YJEFN3: variants seen among roughly 807,000 people sequenced by gnomAD.
YJEFN3 encodes yjeF N-terminal domain-containing protein 3.
In YJEFN3, 29 loss-of-function variants were observed where a neutral mutation model predicts 31.5. The ratio of observed to expected loss-of-function variants is 0.92; its 90% CI spans 0.69 to 1.26. The LOEUF (loss-of-function observed/expected upper bound fraction) is 1.26. Ranked by LOEUF, YJEFN3 falls within the 50% of genes most tolerant of loss-of-function variation. YJEFN3 has a pLI of 0.00. For synonymous variants in YJEFN3, 227 were observed against 196.1 expected (o/e 1.16, Z -1.32); for missense variants, 442 against 425.4 (o/e 1.04, Z -0.34).
chr19:19,531,862 C>T (rs1342861266), intron 2 of YJEFN3, among the ~76,000 whole-genome samples: 1 of 151,234 alleles, frequency 6.6e-6, no homozygotes, highest in East Asian at 2.0e-4. Flanking sequence ...CCTTAGCCTC[C>T]TGAGTAGCTC....
intron 2 of YJEFN3, among the ~76,000 whole-genome samples, chr19:19,530,169 C>A (rs1449190018): frequency 6.6e-6 from 1 of 152,148 alleles, no homozygotes; most frequent in Non-Finnish European, 1.5e-5. Context: ...TGGCGAGTGT[C>A]AGGCCCAGTT....
chr19:19,532,938 T>C (rs562573643), intron 3 of YJEFN3, among the ~76,000 whole-genome samples, 198 bp downstream of exon 3: 178 of 152,214 alleles, frequency 1.2e-3, no homozygotes, highest in African/African-American at 4.1e-3. Context: ...ACCCCTGGTA[T>C]CAGAGAAGGC....
intron 4 of YJEFN3, 87 bp downstream of exon 4, chr19:19,535,231 T>G (rs988456024): frequency 2.3e-4 from 344 of 1,506,322 alleles, no homozygotes; most frequent in Non-Finnish European, 2.9e-4. Flanking sequence ...CAGGGGGACA[T>G]TGACGCAGGG....
At chr19:19,535,481 T>C in intron 5 of YJEFN3, 31 bp downstream of exon 5, 1 of 1,613,490 alleles carries the variant, frequency 6.2e-7, no homozygotes, top group Non-Finnish European at 8.5e-7. Flanking sequence ...AAGGGGGACA[T>C]GGTGTGCAGT....
Position 19,531,718 on chromosome 19 carries a change from C to CTTTTTT in YJEFN3, c.210-889_210-884dup, listed in dbSNP as rs56747140. ...GCCACATTTTCTGGCAACAAATAACCTTTTTTTTTTTTTTTTTTTTTTTTT... is the reference window on the plus strand; with the variant it reads ...GCCACATTTTCTGGCAACAAATAACCTTTTTTTTTTTTTTTTTTTTTTTTTTTTTTT... On this transcript the variant is annotated intron_variant, in intron 2 of 6. Coordinates refer to ENST00000514277, the MANE Select transcript of YJEFN3 (RefSeq NM_198537.4). Among the ~76,000 whole-genome samples the CTTTTTT allele has an allele frequency of 4.7e-4, 36 of 75,864 alleles. 3 individuals are homozygous for CTTTTTT. The highest frequency in any genetic ancestry group is 2.4e-3 in the African/African-American group (32 of 13,252). 49.8% of individuals were successfully genotyped at this position (75,864 alleles called of 152,430 possible).
rs1460833855 is a variant in YJEFN3, at chr19:19,537,486, C to T, written c.862C>T (p.Pro288Ser). The change falls in exon 7 of 7, where the codon CCG becomes TCG. Residue 288 changes from proline to serine, a missense_variant. Coordinates refer to ENST00000514277, the MANE Select transcript of YJEFN3 (RefSeq NM_198537.4). Reference sequence around the variant, plus strand: ...GCGCCGCAAGTTCGCTCTGCGCCTGCCGGGATACACGGGCACCGACTGCGT... The same window carrying T: ...GCGCCGCAAGTTCGCTCTGCGCCTGTCGGGATACACGGGCACCGACTGCGT... ...DVRRKFALRLPGYTGTDCVAA... is the reference protein window; with the variant it reads ...DVRRKFALRLSGYTGTDCVAA... 1.3e-6 allele frequency: 2 copies of T among 1,580,366 alleles called. No homozygotes were observed. Among genetic ancestry groups the T allele is most frequent in the Admixed American group, 3.4e-5 (2 of 58,654 alleles).
At position 19,528,958 on chromosome 19, in the gene YJEFN3, C is replaced by G; in HGVS notation, c.26C>G (p.Pro9Arg). MSSAAGPD[P>R]SEAPEERHFL... The stretch of plus-strand genomic sequence containing the variant: ...ATGAGCAGCGCAGCCGGCCCAGACC[C>G]GTCGGAGGCGCCCGAAGAGCGGCAT... The change falls in exon 1 of 7, where the codon CCG (proline) becomes CGG (arginine). Residue 9 changes from proline to arginine, a missense_variant. Transcript: ENST00000514277. 1.3e-6 allele frequency: 2 copies of G among 1,549,930 alleles called. No individual in the cohort carries two copies. Among genetic ancestry groups the G allele is most frequent in the South Asian group, 1.2e-5 (1 of 83,982 alleles).
intron 6 of YJEFN3, 38 bp from the exon 7 acceptor site, chr19:19,537,281 C>T (rs779900030): frequency 2.6e-6 from 4 of 1,523,240 alleles, no homozygotes; most frequent in South Asian, 2.4e-5. Flanking sequence ...GCAGGCCACC[C>T]TCCCAGTTCC....
rs765733359 is a variant in YJEFN3, at chr19:19,532,637, C to T, written c.215C>T (p.Ala72Val). ...CCATCCCACTCTGTCCCCAGCACCG[C>T]GGAGGCAGCCGCCCTGGAGCGGGAG... ...WNAGPVCQST[A>V]EAAALERELL... The change falls in exon 3 of 7, where the codon GCG becomes GTG. Residue 72 changes from alanine to valine, a missense_variant. By Grantham distance (64) the Ala-to-Val change is moderately conservative. Coordinates refer to ENST00000514277, the MANE Select transcript of YJEFN3 (RefSeq NM_198537.4). 4 of 1,551,432 alleles carry T rather than the reference C, an allele frequency of 2.6e-6. No individual in the cohort carries two copies. In the Admixed American group the frequency reaches 7.6e-5, roughly 29 times the overall value.
In YJEFN3 at chr19:19,532,737, C is replaced by G; in HGVS notation, c.315C>G (p.Thr105=). The G allele has an allele frequency of 6.4e-7, 1 of 1,564,190 alleles. No homozygotes were observed. The change falls in exon 3 of 7, where the codon ACC becomes ACG. Residue 105 remains threonine (T), a synonymous_variant. Transcript: ENST00000514277. Reference sequence around the variant, plus strand: ...GTCATGCTAGTGCCGTGGCTGTGACCAAGGTACCTGACCCCTGACCCCCAA... The same window carrying G: ...GTCATGCTAGTGCCGTGGCTGTGACGAAGGTACCTGACCCCTGACCCCCAA... The part of the protein sequence containing the change: ...LCGHASAVAV[T]KAFPLPALSR...
chr19:19,533,850 A>T (rs1226819498), intron 3 of YJEFN3: 1 of 985,344 alleles, frequency 1.0e-6, no homozygotes, highest in Non-Finnish European at 1.2e-6. Flanking sequence ...TTGCACTGAA[A>T]GCCCCTTGTC....
Position 19,532,124 on chromosome 19 carries a change from G to A in YJEFN3, c.210-508G>A, listed in dbSNP as rs768298255. Among the ~76,000 whole-genome samples, 48 of 152,114 alleles carry A rather than the reference G, an allele frequency of 3.2e-4. 1 individual carries two copies. The highest frequency in any genetic ancestry group is 5.0e-4 in the Non-Finnish European group (34 of 68,016). On this transcript the variant is annotated intron_variant, in intron 2 of 6. Transcript: ENST00000514277. ...TAGCCCCAGGCCCCAAGGCCTCCCCGCTGAGTGTGCCATCAAACACTGCAG... is the reference window on the plus strand; with the variant it reads ...TAGCCCCAGGCCCCAAGGCCTCCCCACTGAGTGTGCCATCAAACACTGCAG...
intron 2 of YJEFN3, among the ~76,000 whole-genome samples, chr19:19,532,236 G>A (rs2061163349): frequency 6.6e-6 from 1 of 152,206 alleles, no homozygotes; most frequent in African/African-American, 2.4e-5. Context: ...CCCACTGCCT[G>A]AAATCAGCCC....
rs778739978 is a variant in YJEFN3 at position 19,529,346 on chromosome 19, ACTCTCCAT to A, written c.60-11_60-4del. The A allele has an allele frequency of 1.1e-5, 17 of 1,586,800 alleles. 1 individual carries two copies. In the African/African-American group the frequency reaches 2.3e-4, roughly 22 times the overall value. On this transcript the variant is annotated splice_polypyrimidine_tract_variant and intron_variant, in intron 1 of 6. Coordinates refer to ENST00000514277, the MANE Select transcript of YJEFN3 (RefSeq NM_198537.4). Reference sequence around the variant, plus strand: ...CGAACCCCAACCGTGGCCCACCCCCACTCTCCATCTCTCCCAGGGCCTTGGAGCTGCAG... The same window carrying A: ...CGAACCCCAACCGTGGCCCACCCCCACTCTCCCAGGGCCTTGGAGCTGCAG...
At position 19,537,459 on chromosome 19, in the gene YJEFN3, G is replaced by A. The variant is rs1336877756; in HGVS notation, c.835G>A (p.Val279Met). The A allele has an allele frequency of 6.3e-7, 1 of 1,587,276 alleles. No individual in the cohort carries two copies. The highest frequency in any genetic ancestry group is 1.7e-5 in the Admixed American group (1 of 58,624). The part of the protein sequence containing the change: ...FVAGRFVPDD[V>M]RRKFALRLPG... ...GGCCGGCAGGTTCGTGCCCGATGACGTGCGCCGCAAGTTCGCTCTGCGCCT... is the reference window on the plus strand; with the variant it reads ...GGCCGGCAGGTTCGTGCCCGATGACATGCGCCGCAAGTTCGCTCTGCGCCT... Residue 279 changes from valine to methionine, a missense_variant, in exon 7 of 7, where the codon GTG becomes ATG. Transcript: ENST00000514277.
intron 6 of YJEFN3, among the ~76,000 whole-genome samples, chr19:19,536,835 T>G (rs1173840709): frequency 6.6e-6 from 1 of 151,992 alleles, no homozygotes; most frequent in East Asian, 1.9e-4. Flanking sequence ...CCAGGCATGG[T>G]GGCGTGTGCC....
chr19:19,529,084 G>C (rs1379724159), intron 1 of YJEFN3, 93 bp downstream of exon 1: 2 of 1,517,704 alleles, frequency 1.3e-6, no homozygotes, highest in East Asian at 2.5e-5. Context: ...AGCTGGGACA[G>C]AATGGGGTCC....
At position 19,535,372 on chromosome 19, in the gene YJEFN3, G is replaced by C; in HGVS notation, c.465G>C (p.Ser155=). 1 of 1,613,862 alleles carries C rather than the reference G, an allele frequency of 6.2e-7. No homozygotes were observed. Among genetic ancestry groups the C allele is most frequent in the East Asian group, 2.2e-5 (1 of 44,870 alleles). ...YEPTIFYPTR[S]LDLLHRDLTT... ...CCACCATCTTCTACCCCACACGCTCGCTGGACCTGCTGCATCGGGACCTGA... is the reference window on the plus strand; with the variant it reads ...CCACCATCTTCTACCCCACACGCTCCCTGGACCTGCTGCATCGGGACCTGA... The change falls in exon 5 of 7, where the codon TCG becomes TCC. Residue 155 remains serine, a synonymous_variant. Transcript: ENST00000514277.
At chr19:19,537,294 A>G (rs754720049) in intron 6 of YJEFN3, 25 bp from the exon 7 acceptor site, 35 of 1,550,492 alleles carry the variant, frequency 2.3e-5, no homozygotes, top group Admixed American at 3.7e-5. Context: ...CCAGTTCCCA[A>G]TCCCCCCGGA....
Sources: allele counts gnomAD v4.1 joint callset (sites outside exome capture counted in the v4.1 genomes callset), GRCh38; gene constraint gnomAD v4.1.1; transcripts MANE v1.5; gene names NCBI Gene and HGNC (gene_info 2026-07-23, HGNC 2026-07-21).